The following GDAP1 variants were observed in gnomAD, a reference collection of about 807,000 sequenced individuals.
The protein encoded by GDAP1 is ganglioside induced differentiation associated protein 1.
A neutral mutation model predicts 40.1 loss-of-function variants in GDAP1; 34 were observed. The observed-to-expected ratio is 0.85, with a 90% CI of 0.64 to 1.13. GDAP1 has a LOEUF of 1.13. Ranked by LOEUF, GDAP1 falls within the 50% of genes most tolerant of loss-of-function variation. The pLI is 0.00. For synonymous variants in GDAP1, 170 were observed against 157.4 expected (o/e 1.08, Z -0.60); for missense variants, 374 against 433.7 (o/e 0.86, Z 1.22).
At chr8:74,397,144 T>C (rs144744687) in intron 2 of GDAP1, among the ~76,000 whole-genome samples, 2,214 of 152,226 alleles carry the variant, frequency 0.015, 61 homozygotes, top group African/African-American at 0.051. Flanking sequence ...GTTGGATGCA[T>C]AAAAGTCTTC....
At position 74,372,100 on chromosome 8, in the gene GDAP1, A is replaced by T. The variant is rs1809764543; in HGVS notation, c.165+20779A>T. ...ATGTCCCTACAAAGGACATGAACTC[A>T]TCATTTTTTATGGCTGCATAGTATT... On this transcript the variant is annotated intron_variant, in intron 2 of 2. Transcript: ENST00000523640. Among the ~76,000 whole-genome samples, 8 of 152,240 alleles carry T rather than the reference A, an allele frequency of 5.3e-5. No individual in the cohort carries two copies. In the South Asian group the frequency reaches 1.7e-3, roughly 32 times the overall value.
intron 2 of GDAP1, 116 bp from the exon 3 acceptor site, chr8:74,360,021 G>C: frequency 1.3e-6 from 1 of 767,444 alleles, no homozygotes; most frequent in South Asian, 1.5e-5. Flanking sequence ...AGTGTTTTTT[G>C]AATATACAGA....
At chr8:74,428,469 GT>G (rs561655756) in intron 2 of GDAP1, among the ~76,000 whole-genome samples, 69 of 140,634 alleles carry the variant, frequency 4.9e-4, no homozygotes, top group African/African-American at 8.0e-4. Context: ...TGATTGTTTT[GT>G]TTTTTTTTTT....
At chr8:74,446,814 C>T (rs773966637) in intron 2 of GDAP1, among the ~76,000 whole-genome samples, 54 of 151,960 alleles carry the variant, frequency 3.6e-4, no homozygotes, top group Non-Finnish European at 5.7e-4. Flanking sequence ...CATAAAAGAC[C>T]GTGTAACACA....
intron 2 of GDAP1, among the ~76,000 whole-genome samples, chr8:74,396,122 A>G (rs1810194814): frequency 6.6e-6 from 1 of 152,146 alleles, no homozygotes; most frequent in Admixed American, 6.6e-5. Flanking sequence ...GGAGTTCTAC[A>G]ATAGAAACAC....
At chr8:74,401,575 G>C (rs1418230450) in intron 2 of GDAP1, among the ~76,000 whole-genome samples, 3 of 149,180 alleles carry the variant, frequency 2.0e-5, no homozygotes, top group Non-Finnish European at 4.4e-5. Flanking sequence ...TCTCCGTCCA[G>C]CTTTGTTCCA....
chr8:74,363,930 G>A, intron 5 of GDAP1, 55 bp from the exon 6 acceptor site: 1 of 1,489,994 alleles, frequency 6.7e-7, no homozygotes, highest in South Asian at 1.1e-5. Flanking sequence ...ATACCAGCTG[G>A]AGTCTGTCTG....
intron 2 of GDAP1, among the ~76,000 whole-genome samples, chr8:74,400,300 T>C (rs958563119): frequency 3.3e-5 from 5 of 150,114 alleles, no homozygotes; most frequent in Non-Finnish European, 5.9e-5. Context: ...TTTACCGTTA[T>C]GTAATGGCCT....
intron 2 of GDAP1, among the ~76,000 whole-genome samples, chr8:74,430,616 GGA>G (rs1232994647): frequency 6.6e-6 from 1 of 152,076 alleles, no homozygotes; most frequent in Non-Finnish European, 1.5e-5. Flanking sequence ...ACATAAAAAG[GGA>G]GAGAGAAAGT....
At chr8:74,481,846 T>G (rs932852266) in intron 2 of GDAP1, among the ~76,000 whole-genome samples, 1 of 152,242 alleles carries the variant, frequency 6.6e-6, no homozygotes, top group Non-Finnish European at 1.5e-5. Flanking sequence ...ACCCAATTTT[T>G]TGTTTGTTAT....
At chr8:74,411,615 C>T (rs913818128) in intron 2 of GDAP1, among the ~76,000 whole-genome samples, 6 of 148,518 alleles carry the variant, frequency 4.0e-5, no homozygotes, top group Non-Finnish European at 7.4e-5. Context: ...GATGCAGTGG[C>T]TCATGCTTGC....
chr8:74,416,128 C>A (rs1164970285), intron 2 of GDAP1, among the ~76,000 whole-genome samples: 2 of 149,834 alleles, frequency 1.3e-5, no homozygotes, highest in African/African-American at 5.1e-5. Context: ...GGATCATTAC[C>A]CCAGTGGCCA....
At chr8:74,355,146 A>C (rs1398052438) in intron 2 of GDAP1, among the ~76,000 whole-genome samples, 1 of 152,170 alleles carries the variant, frequency 6.6e-6, no homozygotes, top group Non-Finnish European at 1.5e-5. Context: ...TGAAATAGTG[A>C]ATATCTGTTG....
chr8:74,381,132 T>G (rs10097688), intron 2 of GDAP1, among the ~76,000 whole-genome samples: 3 of 151,928 alleles, frequency 2.0e-5, no homozygotes, highest in Non-Finnish European at 4.4e-5. Flanking sequence ...AGTGTATTCA[T>G]AGTCAAAATT....
intron 2 of GDAP1, among the ~76,000 whole-genome samples, chr8:74,477,602 G>A (rs1017569244): frequency 6.6e-6 from 1 of 152,122 alleles, no homozygotes; most frequent in African/African-American, 2.4e-5. Flanking sequence ...TAACCCTGGG[G>A]TACTGATATC....
At chr8:74,477,371 G>T (rs1349656486) in intron 2 of GDAP1, among the ~76,000 whole-genome samples, 1 of 152,142 alleles carries the variant, frequency 6.6e-6, no homozygotes, top group East Asian at 1.9e-4. Flanking sequence ...AGGCACTCTG[G>T]TTTTTTGAGT....
At chr8:74,428,961 G>T (rs552471699) in intron 2 of GDAP1, among the ~76,000 whole-genome samples, 1 of 148,542 alleles carries the variant, frequency 6.7e-6, no homozygotes, top group Non-Finnish European at 1.5e-5. Flanking sequence ...GAGAACATGC[G>T]GTGTTTGGTT....
intron 2 of GDAP1, among the ~76,000 whole-genome samples, chr8:74,398,034 A>G (rs1471987234): frequency 6.6e-6 from 1 of 151,128 alleles, no homozygotes; most frequent in Non-Finnish European, 1.5e-5. Flanking sequence ...TATTTCATTG[A>G]GTAGTGGTTT....
intron 2 of GDAP1, among the ~76,000 whole-genome samples, chr8:74,421,811 A>G (rs887931046): frequency 6.6e-6 from 1 of 152,206 alleles, no homozygotes; most frequent in Non-Finnish European, 1.5e-5. Context: ...GGCAACTGGT[A>G]AAAGCTGTTT....
Sources: gnomAD v4.1 joint callset for allele counts (sites outside exome capture counted in the v4.1 genomes callset) on GRCh38, gnomAD v4.1.1 for gene constraint, MANE v1.5 for transcripts, NCBI Gene and HGNC (gene_info 2026-07-23, HGNC 2026-07-21) for gene names.